GRIA3: variants seen among roughly 807,000 people sequenced by gnomAD.
GRIA3 encodes glutamate ionotropic receptor AMPA type subunit 3.
A neutral mutation model predicts 63.0 loss-of-function variants in GRIA3; 3 were observed. The observed-to-expected ratio is 0.05, with a 90% CI of 0.02 to 0.12. The LOEUF (loss-of-function observed/expected upper bound fraction) is 0.12, where lower values mean the gene tolerates loss of function less well. Among genes scored for constraint, GRIA3 ranks in the 10% least tolerant of loss-of-function variants. The probability of loss-of-function intolerance (pLI) is 1.00; values close to 1 mark genes in which losing one functional copy is unlikely to be tolerated. For synonymous variants in GRIA3, 274 were observed against 257.9 expected, an observed-to-expected ratio of 1.06 and a Z score of -0.60; for missense variants, 347 against 700.9, an observed-to-expected ratio of 0.50 and a Z score of 5.70.
chrX:123,483,673 C>A (rs1370478681), intron 15 of GRIA3, among the ~76,000 whole-genome samples: 1 of 112,551 alleles, frequency 8.9e-6, no homozygotes, highest in Admixed American at 9.4e-5. Context: ...TGGCTCACGC[C>A]TGTAATCCCA....
chrX:123,361,433 C>T (rs2045173623), intron 5 of GRIA3: 1 of 111,351 alleles, frequency 9.0e-6, no homozygotes, highest in Non-Finnish European at 1.9e-5. Context: ...GGTAAAAATT[C>T]CCCCTGGTCC....
chrX:123,258,154 C>T (rs991316207), intron 3 of GRIA3, among the ~76,000 whole-genome samples: 5 of 112,311 alleles, frequency 4.5e-5, no homozygotes, highest in African/African-American at 1.6e-4. Context: ...GGAGCAAAAC[C>T]TTAACATCTC....
chrX:123,411,338 G>C (rs936447019), intron 10 of GRIA3, among the ~76,000 whole-genome samples: 2 of 111,844 alleles, frequency 1.8e-5, no homozygotes, highest in African/African-American at 6.5e-5. Context: ...CTTTCAGAAA[G>C]TGTTTTAAAA....
At chrX:123,241,828 A>G (rs912948592) in intron 2 of GRIA3, among the ~76,000 whole-genome samples, 2 of 111,451 alleles carry the variant, frequency 1.8e-5, no homozygotes, top group African/African-American at 6.5e-5. Context: ...TTGTTTCTGC[A>G]TACTTCAGAC....
intron 2 of GRIA3, among the ~76,000 whole-genome samples, chrX:123,222,446 C>T (rs1569402179): frequency 8.9e-6 from 1 of 112,184 alleles, no homozygotes; most frequent in Non-Finnish European, 1.9e-5. Flanking sequence ...AGAAACTCTC[C>T]TCTTTCTCAA....
In GRIA3 at chrX:123,253,532, C is replaced by G; in HGVS notation, c.498C>G (p.Asp166Glu). The G allele has an allele frequency of 8.3e-7, 1 of 1,206,660 alleles. No individual in the cohort carries two copies. The highest frequency in any genetic ancestry group is 1.1e-6 in the Non-Finnish European group (1 of 891,357). Residue 166 changes from aspartate to glutamate, a missense_variant, in exon 3 of 16, where the codon GAC becomes GAG. By Grantham distance (45) the Asp-to-Glu change is conservative. Around this residue, in one of 8 missense-constraint regions of GRIA3, gnomAD observed 113 missense variants for 130.6 expected, o/e 0.87. Coordinates refer to ENST00000620443, the MANE Select transcript of GRIA3 (RefSeq NM_007325.5). ...GGGAGAAGTTTGTGTACCTCTATGACACAGAACGAGGTAAGAAGAGGCACC... is the reference window on the plus strand; with the variant it reads ...GGGAGAAGTTTGTGTACCTCTATGAGACAGAACGAGGTAAGAAGAGGCACC... ...YKWEKFVYLY[D>E]TERGFSILQA...
chrX:123,355,085 T>A, intron 5 of GRIA3, 122 bp downstream of exon 5: 1 of 568,830 alleles, frequency 1.8e-6, no homozygotes. Flanking sequence ...AGAAATGACT[T>A]CGGTAAATAC....
chrX:123,322,786 A>T (rs2044876935), intron 3 of GRIA3, among the ~76,000 whole-genome samples: 1 of 112,209 alleles, frequency 8.9e-6, no homozygotes, highest in South Asian at 3.7e-4. Context: ...AAGACACTGC[A>T]GTATTCAGCC....
intron 3 of GRIA3, among the ~76,000 whole-genome samples, chrX:123,264,373 T>C (rs1161347346): frequency 1.8e-5 from 2 of 111,581 alleles, no homozygotes; most frequent in Non-Finnish European, 3.8e-5. Context: ...GCGTTCAGCA[T>C]AAACTGAACT....
intron 12 of GRIA3, among the ~76,000 whole-genome samples, chrX:123,433,424 T>C (rs1036287464): frequency 8.9e-6 from 1 of 112,047 alleles, no homozygotes; most frequent in Non-Finnish European, 1.9e-5. Context: ...GCAGTGATTA[T>C]TTTAGGACTT....
chrX:123,435,697 G>A (rs1245118835), intron 12 of GRIA3, among the ~76,000 whole-genome samples: 1 of 112,268 alleles, frequency 8.9e-6, no homozygotes, highest in Non-Finnish European at 1.9e-5. Context: ...TAGAGTGAAT[G>A]CCATAAATGG....
In GRIA3 at chrX:123,269,493, C is replaced by T. The variant is rs776691131; in HGVS notation, c.508+15951C>T. Among the ~76,000 whole-genome samples, 6 of 111,786 alleles carry T rather than the reference C, an allele frequency of 5.4e-5. No individual in the cohort carries two copies. The South Asian group carries it at 2.3e-3, about 43-fold the overall frequency. ...TGATGTCTCCCATGCCTTGGTGCCA[C>T]CTTGCTCATCTCTCCAATGTGCTAA... is the stretch of plus-strand genomic sequence containing the variant. On this transcript the variant is annotated intron_variant, in intron 3 of 15. Coordinates refer to ENST00000620443, the MANE Select transcript of GRIA3 (RefSeq NM_007325.5).
chrX:123,298,578 C>T (rs1236757502), intron 3 of GRIA3, among the ~76,000 whole-genome samples: 1 of 110,567 alleles, frequency 9.0e-6, no homozygotes, highest in Non-Finnish European at 1.9e-5. Flanking sequence ...TTAATGGGGT[C>T]GTTTGCTTTT....
At chrX:123,274,390 T>A (rs1429303032) in intron 3 of GRIA3, among the ~76,000 whole-genome samples, 1 of 111,175 alleles carries the variant, frequency 9.0e-6, no homozygotes, top group Non-Finnish European at 1.9e-5. Flanking sequence ...GGTGGAGGGG[T>A]GAGGGCAATG....
chrX:123,370,782 C>CAT (rs762981165), intron 5 of GRIA3, among the ~76,000 whole-genome samples: 3 of 107,488 alleles, frequency 2.8e-5, no homozygotes, highest in Non-Finnish European at 3.8e-5. Flanking sequence ...ATATATGTGT[C>CAT]ATATATATAT....
At chrX:123,226,437 C>T (rs1464503189) in intron 2 of GRIA3, among the ~76,000 whole-genome samples, 1 of 111,728 alleles carries the variant, frequency 9.0e-6, no homozygotes, top group Non-Finnish European at 1.9e-5. Context: ...TGTATAACTG[C>T]CTAGAAAGTT....
chrX:123,247,400 C>G (rs750903722), intron 2 of GRIA3, among the ~76,000 whole-genome samples: 7 of 111,525 alleles, frequency 6.3e-5, no homozygotes, highest in Non-Finnish European at 1.3e-4. Flanking sequence ...TAAATAAAAG[C>G]GTGACAGCTG....
intron 3 of GRIA3, among the ~76,000 whole-genome samples, chrX:123,307,313 A>G (rs944882311): frequency 2.7e-5 from 3 of 111,935 alleles, no homozygotes; most frequent in Non-Finnish European, 5.6e-5. Context: ...TGCTGACTAA[A>G]TTGGGGCAGA....
chrX:123,295,261 T>C (rs1484183907), intron 3 of GRIA3, among the ~76,000 whole-genome samples: 1 of 111,705 alleles, frequency 9.0e-6, no homozygotes, highest in Admixed American at 9.5e-5. Flanking sequence ...GTTTGCTAGT[T>C]CTTAGAAGTT....
Sources: gnomAD v4.1 joint callset for allele counts (sites outside exome capture counted in the v4.1 genomes callset) on GRCh38, gnomAD v4.1.1 for gene constraint, gnomAD v4.1.1 regional missense constraint, MANE v1.5 for transcripts, NCBI Gene and HGNC (gene_info 2026-07-23, HGNC 2026-07-21) for gene names.